PTGER4: variants seen among roughly 807,000 people sequenced by gnomAD.
The protein encoded by PTGER4 is prostaglandin E2 receptor EP4 subtype.
PTGER4 carries 11 observed loss-of-function variants against 33.2 expected under a neutral mutation model. The ratio of observed to expected loss-of-function variants is 0.33; its 90% CI spans 0.21 to 0.55. PTGER4 has a LOEUF of 0.55. Ranked by LOEUF, PTGER4 falls within the 20% of genes least tolerant of loss-of-function variation. The pLI, the probability that PTGER4 is intolerant of heterozygous loss-of-function variation, is 0.92. For synonymous variants in PTGER4, 275 were observed against 281.5 expected (o/e 0.98, Z 0.23); for missense variants, 481 against 650.2 (o/e 0.74, Z 2.83).
At chr5:40,708,113 T>A in the PTGER4 span, among the ~76,000 whole-genome samples, 9 of 151,950 alleles carry the variant, frequency 5.9e-5, no homozygotes, top group Non-Finnish European at 1.0e-4. Flanking sequence ...AACATCACGA[T>A]TAAAAGAACT....
chr5:40,703,808 C>A, the PTGER4 span, among the ~76,000 whole-genome samples: 2 of 146,408 alleles, frequency 1.4e-5, no homozygotes, highest in Non-Finnish European at 1.5e-5. Context: ...GGGGCTGAGG[C>A]AGGAGAATTG....
chr5:40,708,364 C>A, the PTGER4 span, among the ~76,000 whole-genome samples: 1,590 of 152,238 alleles, frequency 0.01, 22 homozygotes, highest in African/African-American at 0.033. Flanking sequence ...CCACTGATCC[C>A]ACAGAAATAC....
chr5:40,713,158 G>A, the PTGER4 span, among the ~76,000 whole-genome samples: 1 of 151,960 alleles, frequency 6.6e-6, no homozygotes. Flanking sequence ...TGGAACTATG[G>A]TTCTTATGTC....
chr5:40,695,319 C>T (rs1741564991), downstream of PTGER4, among the ~76,000 whole-genome samples: 1 of 152,040 alleles, frequency 6.6e-6, no homozygotes, highest in African/African-American at 2.4e-5. Context: ...CTGAGGAGGG[C>T]AGATCACGAG....
chr5:40,737,736 C>T, the PTGER4 span, among the ~76,000 whole-genome samples: 3 of 152,158 alleles, frequency 2.0e-5, no homozygotes, highest in Admixed American at 6.5e-5. Context: ...GCCCCTTTCT[C>T]GGGAAATCTA....
chr5:40,689,684 A>G (rs889379564), intron 2 of PTGER4, among the ~76,000 whole-genome samples: 9 of 152,128 alleles, frequency 5.9e-5, no homozygotes, highest in Non-Finnish European at 1.0e-4. Flanking sequence ...GTTACGCTGT[A>G]TATAGTAAGG....
the PTGER4 span, among the ~76,000 whole-genome samples, chr5:40,718,971 T>C: frequency 6.6e-6 from 1 of 152,174 alleles, no homozygotes; most frequent in African/African-American, 2.4e-5. Context: ...CTTAATATTC[T>C]AATAAAAATC....
At chr5:40,724,885 C>T in the PTGER4 span, among the ~76,000 whole-genome samples, 14 of 146,640 alleles carry the variant, frequency 9.5e-5, no homozygotes, top group African/African-American at 3.5e-4. Flanking sequence ...TGGAGTCTCA[C>T]TCTGTCACTC....
At chr5:40,745,042 TACAC>T in the PTGER4 span, among the ~76,000 whole-genome samples, 1 of 152,204 alleles carries the variant, frequency 6.6e-6, no homozygotes, top group Non-Finnish European at 1.5e-5. Flanking sequence ...AATTAAATGA[TACAC>T]ACAAGGAAGC....
At chr5:40,732,983 A>T in the PTGER4 span, among the ~76,000 whole-genome samples, 3 of 152,172 alleles carry the variant, frequency 2.0e-5, no homozygotes, top group Non-Finnish European at 4.4e-5. Context: ...CAGCATATAA[A>T]GCAAGAAAAG....
In PTGER4 at chr5:40,680,903, T is replaced by C; in HGVS notation, c.-43-48T>C. On this transcript the variant is annotated intron_variant, in intron 1 of 2. Transcript: ENST00000302472. This position sits in a 1 kb window ranked among gnomAD's most constrained non-coding sequence, Gnocchi z 5.5. ...GGGCGCGGGTCTAACACCTTACAAGTGGTAATTTCCGCTCACGGCAGCTTT... is the reference window on the plus strand; with the variant it reads ...GGGCGCGGGTCTAACACCTTACAAGCGGTAATTTCCGCTCACGGCAGCTTT... The C allele has an allele frequency of 1.4e-6, 2 of 1,476,952 alleles. No homozygotes were observed. Among genetic ancestry groups the C allele is most frequent in the Non-Finnish European group, 1.8e-6 (2 of 1,098,118 alleles). 91.5% of individuals were successfully genotyped at this position (1,476,952 alleles called of 1,614,324 possible).
the PTGER4 span, chr5:40,716,051 C>A: frequency 0.76 from 766,629 of 1,004,552 alleles, 294,809 homozygotes; most frequent in East Asian, 1. Flanking sequence ...TACAACCAGG[C>A]GTTCTCCTAT....
the PTGER4 span, among the ~76,000 whole-genome samples, chr5:40,736,697 T>C: frequency 7.9e-5 from 12 of 152,224 alleles, no homozygotes; most frequent in African/African-American, 2.7e-4. Flanking sequence ...TATTAGGTGC[T>C]AGGTAGCATG....
Position 40,681,661 on chromosome 5 carries a change from T to G in PTGER4, c.668T>G (p.Leu223Arg). Residue 223 changes from leucine to arginine, a missense_variant, in exon 2 of 3, where the codon CTG (leucine) becomes CGG (arginine). Transcript: ENST00000302472. The surrounding 1 kb of genome is among the most constrained non-coding windows in gnomAD (Gnocchi z 9.8). ...MHRQFMRRTS[L>R]GTEQHHAAAA... ...CGCCAGTTCATGCGCCGCACCTCGC[T>G]GGGCACCGAGCAGCACCACGCGGCC... 6.3e-7 allele frequency: 1 copy of G among 1,591,650 alleles called. No homozygotes were observed. Among genetic ancestry groups the G allele is most frequent in the Non-Finnish European group, 8.5e-7 (1 of 1,174,666 alleles).
rs1741522880 is a variant in PTGER4 at position 40,693,561 on chromosome 5, T to C, written c.*1183T>C. 1 of 985,836 alleles carries C rather than the reference T, an allele frequency of 1.0e-6. No individual in the cohort carries two copies. The highest frequency in any genetic ancestry group is 1.1e-4 in the East Asian group (1 of 8,970). The allele number at this position is 985,836 out of a possible 1,614,324, so 61.1% of individuals were successfully genotyped here. A position where few individuals can be genotyped will look rare whatever the true frequency, so the allele number is the denominator to read the frequency against. ...AGTTTTGTGTAACTCCCAGTGATGC[T>C]GTACACATATTTGAAGGGTCTTTCT... On this transcript the variant is annotated 3_prime_UTR_variant, in exon 3 of 3. Transcript: ENST00000302472.
At chr5:40,705,046 G>T in the PTGER4 span, among the ~76,000 whole-genome samples, 1 of 152,052 alleles carries the variant, frequency 6.6e-6, no homozygotes. Context: ...AACAAAGCTG[G>T]AGGAATCACA....
At chr5:40,732,844 C>T in the PTGER4 span, among the ~76,000 whole-genome samples, 2 of 151,966 alleles carry the variant, frequency 1.3e-5, no homozygotes, top group South Asian at 4.1e-4. Flanking sequence ...TTGACCTCAA[C>T]TGATCTGCCC....
the PTGER4 span, among the ~76,000 whole-genome samples, chr5:40,709,849 G>A: frequency 2.0e-5 from 3 of 152,072 alleles, no homozygotes; most frequent in Non-Finnish European, 4.4e-5. Flanking sequence ...CAGACCAATG[G>A]TGCTGGGAAA....
At chr5:40,704,778 G>T in the PTGER4 span, among the ~76,000 whole-genome samples, 1 of 152,098 alleles carries the variant, frequency 6.6e-6, no homozygotes, top group African/African-American at 2.4e-5. Flanking sequence ...GGATGTGAAT[G>T]GTCTCTACAA....
Sources: allele counts gnomAD v4.1 joint callset (sites outside exome capture counted in the v4.1 genomes callset), GRCh38; gene constraint gnomAD v4.1.1; non-coding constraint Gnocchi (gnomAD v3.1); transcripts MANE v1.5; gene names NCBI Gene and HGNC (gene_info 2026-07-23, HGNC 2026-07-21).